WRAP73: variants seen among roughly 807,000 people sequenced by gnomAD.
The protein encoded by WRAP73 is WD repeat-containing protein WRAP73.
In WRAP73, 55 loss-of-function variants were observed where a neutral mutation model predicts 59.6. That is an observed-to-expected ratio of 0.92 (90% CI 0.74 to 1.15). The LOEUF is 1.15. WRAP73 is among the 50% of genes most tolerant of loss of function. WRAP73 has a pLI of 0.00. For synonymous variants in WRAP73, 265 were observed against 258.2 expected, an observed-to-expected ratio of 1.03 and a Z score of -0.25; for missense variants, 592 against 608.1, an observed-to-expected ratio of 0.97 and a Z score of 0.28.
At position 3,648,576 on chromosome 1, in the gene WRAP73, A is replaced by G. The variant is rs907590554; in HGVS notation, c.70-1016T>C. On this transcript the variant is annotated intron_variant, in intron 1 of 11. Transcript: ENST00000270708. ...ACCAACACCTTGAGGAACCACATAA[A>G]CTCTACTGCAAGATATGAAAACTAG... Among the ~76,000 whole-genome samples, 5 of 152,234 alleles carry G rather than the reference A, an allele frequency of 3.3e-5. No homozygotes were observed. In the South Asian group the frequency reaches 1.0e-3, roughly 32 times the overall value.
chr1:3,632,801 G>A lies in WRAP73; in HGVS notation c.923-463C>T. On this transcript the variant is annotated intron_variant, in intron 9 of 11. Coordinates refer to ENST00000270708, the MANE Select transcript of WRAP73 (RefSeq NM_017818.4). ...AACAAGGACGCCCCTGGGCTCCTGG[G>A]GAGCGCCTCCTGTGTGCCAGGCTGC... 4 of 244,588 alleles carry A rather than the reference G, an allele frequency of 1.6e-5. No individual in the cohort carries two copies. The South Asian group carries it at 1.9e-4, about 11-fold the overall frequency. 15.2% of individuals were successfully genotyped at this position (244,588 alleles called of 1,614,324 possible).
At chr1:3,635,592 T>C (rs768954435) in intron 6 of WRAP73, 58 of 493,528 alleles carry the variant, frequency 1.2e-4, no homozygotes, top group Non-Finnish European at 2.0e-4. Context: ...AGGCCGAAGC[T>C]GGCAGATCAC....
chr1:3,640,151 C>T (rs902186439), intron 3 of WRAP73, among the ~76,000 whole-genome samples: 25 of 152,248 alleles, frequency 1.6e-4, no homozygotes, highest in Non-Finnish European at 2.6e-4. Flanking sequence ...CGTGGCAGCA[C>T]GGAAGGGCTC....
intron 1 of WRAP73, among the ~76,000 whole-genome samples, chr1:3,649,539 G>A (rs1236701322): frequency 6.6e-6 from 1 of 152,252 alleles, no homozygotes; most frequent in South Asian, 2.1e-4. Context: ...CACCTCCCCA[G>A]ACCCCCCACC....
chr1:3,645,882 G>A (rs962630326), intron 3 of WRAP73, among the ~76,000 whole-genome samples: 2 of 152,140 alleles, frequency 1.3e-5, no homozygotes, highest in Non-Finnish European at 2.9e-5. Context: ...CCCGAGCCAC[G>A]CCCCCAGGCC....
chr1:3,646,151 C>T lies in WRAP73; in HGVS notation c.339+515G>A, dbSNP rs1016059781. 6.6e-5 allele frequency among the ~76,000 whole-genome samples: 10 copies of T among 152,202 alleles called. No individual in the cohort carries two copies. Among genetic ancestry groups the T allele is most frequent in the Non-Finnish European group, 1.2e-4 (8 of 68,034 alleles). On this transcript the variant is annotated intron_variant, in intron 3 of 11. Coordinates refer to ENST00000270708, the MANE Select transcript of WRAP73 (RefSeq NM_017818.4). The surrounding 1 kb of genome is among the most constrained non-coding windows in gnomAD (Gnocchi z 5.1). Reference sequence around the variant, plus strand: ...GCCACTCGGGAGCCACCTCAGTCATCAGACCCAGGGCAGCAGACAGTGCCT... The same window carrying T: ...GCCACTCGGGAGCCACCTCAGTCATTAGACCCAGGGCAGCAGACAGTGCCT...
chr1:3,648,444 T>G (rs942787804), intron 1 of WRAP73, among the ~76,000 whole-genome samples: 2 of 152,118 alleles, frequency 1.3e-5, no homozygotes, highest in African/African-American at 4.8e-5. Flanking sequence ...GACAGGCGGG[T>G]GACGGCAGAT....
rs768810841 is a variant in WRAP73 at position 3,633,466 on chromosome 1, C to A, written c.854G>T (p.Gly285Val). Residue 285 changes from glycine (G) to valine (V), a missense_variant, in exon 9 of 12, where the codon GGA becomes GTA. Gly to Val is a moderately radical substitution (Grantham distance 109). Coordinates refer to ENST00000270708, the MANE Select transcript of WRAP73 (RefSeq NM_017818.4). Reference sequence around the variant, plus strand: ...CGGCGGGAAGGAGAGGCAGCCCAGTCCCAGCTGTGGGCTCTTCTCGGCCTC... The same window carrying A: ...CGGCGGGAAGGAGAGGCAGCCCAGTACCAGCTGTGGGCTCTTCTCGGCCTC... ...YKEAEKSPQL[G>V]LGCLSFPPPR... 6.2e-7 allele frequency: 1 copy of A among 1,610,916 alleles called. No homozygotes were observed. Among genetic ancestry groups the A allele is most frequent in the East Asian group, 2.2e-5 (1 of 44,870 alleles).
At chr1:3,643,325 C>T (rs180799692) in intron 3 of WRAP73, among the ~76,000 whole-genome samples, 5 of 152,338 alleles carry the variant, frequency 3.3e-5, no homozygotes, top group African/African-American at 7.2e-5. Flanking sequence ...TCACGCAAGA[C>T]GTGGGGCAAA....
At chr1:3,645,458 C>T (rs12043956) in intron 3 of WRAP73, among the ~76,000 whole-genome samples, 2 of 64,802 alleles carry the variant, frequency 3.1e-5, no homozygotes, top group African/African-American at 5.0e-5. Flanking sequence ...TGGTGTGCGC[C>T]GTGCAGCGGG....
Position 3,646,822 on chromosome 1 carries a change from A to C in WRAP73, c.223-40T>G. On this transcript the variant is annotated intron_variant, in intron 2 of 11. Transcript: ENST00000270708. This position sits in a 1 kb window ranked among gnomAD's most constrained non-coding sequence, Gnocchi z 5.1. Reference sequence around the variant, plus strand: ...GAAAGAAACACACAAGTGCAAACTCATCAGCACCGAGAGACAGCGAGGACA... The same window carrying C: ...GAAAGAAACACACAAGTGCAAACTCCTCAGCACCGAGAGACAGCGAGGACA... 9.4e-5 allele frequency: 145 copies of C among 1,550,024 alleles called. No individual in the cohort carries two copies. The highest frequency in any genetic ancestry group is 1.2e-4 in the Non-Finnish European group (132 of 1,128,920).
rs776090098 is a variant in WRAP73 at position 3,637,105 on chromosome 1, G to C, written c.413-7C>G. ...TCCCTGGTGAAGGTGATTCCTGTGGGAAGAGGCAAATGCACTGAAATCAAG... is the reference window on the plus strand; with the variant it reads ...TCCCTGGTGAAGGTGATTCCTGTGGCAAGAGGCAAATGCACTGAAATCAAG... On this transcript the variant is annotated splice_region_variant and splice_polypyrimidine_tract_variant and intron_variant, in intron 4 of 11. Transcript: ENST00000270708. 1 of 1,601,340 alleles carries C rather than the reference G, an allele frequency of 6.2e-7. No individual in the cohort carries two copies. Among genetic ancestry groups the C allele is most frequent in the South Asian group, 1.1e-5 (1 of 89,390 alleles).
Position 3,645,448 on chromosome 1 carries a change from T to G in WRAP73, c.339+1218A>C, listed in dbSNP as rs527801726. 4.3e-3 allele frequency among the ~76,000 whole-genome samples: 439 copies of G among 101,040 alleles called. 4 individuals carry two copies. The highest frequency in any genetic ancestry group is 0.012 in the African/African-American group (416 of 34,860). The allele number at this position is 101,040 out of a possible 152,430, so 66.3% of individuals were successfully genotyped here. Reference sequence around the variant, plus strand: ...GCAGCGGGACGGGCGGGTTGCCCCGTGGTGTGCGCCGTGCAGCGGGACGGG... The same window carrying G: ...GCAGCGGGACGGGCGGGTTGCCCCGGGGTGTGCGCCGTGCAGCGGGACGGG... On this transcript the variant is annotated intron_variant, in intron 3 of 11. Coordinates refer to ENST00000270708, the MANE Select transcript of WRAP73 (RefSeq NM_017818.4).
chr1:3,631,217 G>T, intron 11 of WRAP73, 100 bp from the exon 12 acceptor site: 2 of 1,552,246 alleles, frequency 1.3e-6, no homozygotes, highest in South Asian at 2.4e-5. Flanking sequence ...TGCCTGGAGT[G>T]ACCCACATAG....
intron 8 of WRAP73, chr1:3,634,603 C>T (rs1644571916): frequency 3.9e-6 from 1 of 257,158 alleles, no homozygotes; most frequent in African/African-American, 2.2e-5. Context: ...TCTGCAAGTG[C>T]AGGGGTCTGT....
intron 1 of WRAP73, 122 bp downstream of exon 1, chr1:3,649,808 TC>T: frequency 9.4e-7 from 1 of 1,060,180 alleles, no homozygotes; most frequent in Non-Finnish European, 1.3e-6. Flanking sequence ...CCCGCACCTG[TC>T]CGGGCACCGC....
rs142080154 is a variant in WRAP73 at position 3,631,604 on chromosome 1, C to T, written c.1102G>A (p.Ala368Thr). The change falls in exon 11 of 12, where the codon GCG becomes ACG. Residue 368 changes from alanine (A) to threonine (T), a missense_variant. Transcript: ENST00000270708. ...VWDIQKLRLF[A>T]VLEQLSPVRA... ...ACTGGGGACAGCTGCTCGAGCACCG[C>T]GAACAGCCTCAGCTTCTGAATGTCC... 5.0e-5 allele frequency: 81 copies of T among 1,605,588 alleles called. 1 individual carries two copies. Among genetic ancestry groups the T allele is most frequent in the South Asian group, 4.7e-4 (43 of 91,030 alleles).
rs756561926 is a variant in WRAP73, at chr1:3,646,726, C to G, written c.279G>C (p.Gly93=). The G allele has an allele frequency of 6.2e-7, 1 of 1,610,386 alleles. No individual in the cohort carries two copies. The highest frequency in any genetic ancestry group is 2.2e-5 in the East Asian group (1 of 44,748). Reference sequence around the variant, plus strand: ...CCGGGCTCCAGCACGAGGCCACCAGCCCGGCTGAGCCCTCGTCTATTTTGC... The same window carrying G: ...CCGGGCTCCAGCACGAGGCCACCAGGCCGGCTGAGCCCTCGTCTATTTTGC... ...WHCKIDEGSA[G]LVASCWSPDG... The change falls in exon 3 of 12, where the codon GGG becomes GGC. Residue 93 remains glycine, a synonymous_variant. Transcript: ENST00000270708. The surrounding 1 kb of genome is among the most constrained non-coding windows in gnomAD (Gnocchi z 5.1).
At chr1:3,640,126 G>A (rs900284802) in intron 3 of WRAP73, among the ~76,000 whole-genome samples, 1 of 152,190 alleles carries the variant, frequency 6.6e-6, no homozygotes, top group Non-Finnish European at 1.5e-5. Context: ...GTGGATCAAC[G>A]AGCTCCAGGG....
Sources: gnomAD v4.1 joint callset for allele counts (sites outside exome capture counted in the v4.1 genomes callset) on GRCh38, gnomAD v4.1.1 for gene constraint, Gnocchi (gnomAD v3.1) non-coding constraint, MANE v1.5 for transcripts, NCBI Gene and HGNC (gene_info 2026-07-23, HGNC 2026-07-21) for gene names.